Variants in FOXN3 observed in about 807,000 individuals in gnomAD.
FOXN3 encodes the protein forkhead box N3.
A neutral mutation model predicts 38.4 loss-of-function variants in FOXN3; 7 were observed. The ratio of observed to expected loss-of-function variants is 0.18; its 90% confidence interval spans 0.10 to 0.34. The LOEUF (loss-of-function observed/expected upper bound fraction) is 0.34, where lower values mean the gene tolerates loss of function less well. Among genes scored for constraint, FOXN3 ranks in the 10% least tolerant of loss-of-function variants. The probability of loss-of-function intolerance (pLI) is 1.00; values close to 1 mark genes in which losing one functional copy is unlikely to be tolerated. For synonymous variants in FOXN3, 230 were observed against 242.2 expected, an observed-to-expected ratio of 0.95 and a Z score of 0.47; for missense variants, 456 against 613.4, an observed-to-expected ratio of 0.74 and a Z score of 2.71.
At chr14:89,529,042 A>G (rs1894497250) in intron 1 of FOXN3, among the ~76,000 whole-genome samples, 1 of 152,162 alleles carries the variant, frequency 6.6e-6, no homozygotes, top group Admixed American at 6.5e-5. Context: ...AGATTACCTG[A>G]TATGTTAAGA....
chr14:89,188,240 AAAG>A (rs1887859026), intron 4 of FOXN3, among the ~76,000 whole-genome samples: 1 of 152,226 alleles, frequency 6.6e-6, no homozygotes, highest in African/African-American at 2.4e-5. Flanking sequence ...TACCCTGGAA[AAAG>A]AAGTATTTAC....
chr14:89,326,485 C>T lies in FOXN3; in HGVS notation c.680+24187G>A, dbSNP rs141542370. 7.2e-5 allele frequency among the ~76,000 whole-genome samples: 11 copies of T among 152,246 alleles called. No individual in the cohort carries two copies. The East Asian group carries it at 2.1e-3, about 29-fold the overall frequency. The stretch of plus-strand genomic sequence containing the variant: ...CAGAATCCACAATCCTCTGGCTGCC[C>T]GGGAAGTCATCAAGAGTGGTGCACA... On this transcript the variant is annotated intron_variant, in intron 3 of 5. Transcript: ENST00000557258.
At position 89,382,851 on chromosome 14, in the gene FOXN3, T is replaced by C. The variant is rs894881458; in HGVS notation, c.543+29083A>G. Among the ~76,000 whole-genome samples, 9 of 152,212 alleles carry C rather than the reference T, an allele frequency of 5.9e-5. No individual in the cohort carries two copies. In the East Asian group the frequency reaches 1.4e-3, roughly 23 times the overall value. ...TGGAGGTCTCCTTGATGATGACATG[T>C]ACGTGAAAGGGACGGTGAAGAAACT... On this transcript the variant is annotated intron_variant, in intron 2 of 5. Transcript: ENST00000557258.
chr14:89,506,832 C>T (rs543838865), intron 1 of FOXN3, among the ~76,000 whole-genome samples: 2 of 152,184 alleles, frequency 1.3e-5, no homozygotes, highest in Non-Finnish European at 2.9e-5. Flanking sequence ...TTACCCACAA[C>T]CCTGTGCTCA....
At chr14:89,522,145 A>C (rs1894333235) in intron 1 of FOXN3, among the ~76,000 whole-genome samples, 1 of 152,086 alleles carries the variant, frequency 6.6e-6, no homozygotes, top group Admixed American at 6.5e-5. Flanking sequence ...GAAAAAAAAA[A>C]CCTTATAATG....
intron 1 of FOXN3, among the ~76,000 whole-genome samples, chr14:89,567,487 GT>G (rs1164675571): frequency 3.5e-5 from 5 of 141,698 alleles, no homozygotes; most frequent in African/African-American, 1.0e-4. Flanking sequence ...AGGGAAGACT[GT>G]ACTAGGTACA....
intron 2 of FOXN3, among the ~76,000 whole-genome samples, chr14:89,378,179 C>A (rs1336531888): frequency 6.6e-6 from 1 of 152,194 alleles, no homozygotes; most frequent in Non-Finnish European, 1.5e-5. Flanking sequence ...AAAGGAAGAA[C>A]AGCTTTTGCT....
intron 2 of FOXN3, among the ~76,000 whole-genome samples, chr14:89,372,981 C>G (rs1366923802): frequency 6.6e-6 from 1 of 152,064 alleles, no homozygotes. Flanking sequence ...GCCTGAGCAA[C>G]ATAGGAAAAT....
chr14:89,347,796 A>G (rs568660693), intron 3 of FOXN3, among the ~76,000 whole-genome samples: 77 of 152,300 alleles, frequency 5.1e-4, no homozygotes, highest in Non-Finnish European at 7.1e-4. Context: ...TACGAAAAAT[A>G]CAAAAATTAG....
At chr14:89,618,403 A>C (rs1030705605) in intron 1 of FOXN3, among the ~76,000 whole-genome samples, 1 of 152,222 alleles carries the variant, frequency 6.6e-6, no homozygotes, top group Non-Finnish European at 1.5e-5. Context: ...CCCTCAAAAC[A>C]ATGTTTCTCC....
chr14:89,216,940 G>A (rs898909689), intron 4 of FOXN3, among the ~76,000 whole-genome samples: 2 of 152,126 alleles, frequency 1.3e-5, no homozygotes, highest in Non-Finnish European at 2.9e-5. Flanking sequence ...CAAGGAGTGT[G>A]GAAATGGCAT....
chr14:89,401,953 G>C lies in FOXN3; in HGVS notation c.543+9981C>G, dbSNP rs61984694. Among the ~76,000 whole-genome samples, 80 of 152,102 alleles carry C rather than the reference G, an allele frequency of 5.3e-4. 1 individual carries two copies. Among genetic ancestry groups the C allele is most frequent in the Non-Finnish European group, 1.1e-3 (76 of 68,030 alleles). On this transcript the variant is annotated intron_variant, in intron 2 of 5. Coordinates refer to ENST00000557258, the MANE Select transcript of FOXN3 (RefSeq NM_005197.4). ...TATAGCCTCTCTGCCTGTATTTACT[G>C]TCTCCTGCTGAGTTCACAAGGAAAG...
chr14:89,450,809 T>A (rs1210997081), intron 1 of FOXN3, among the ~76,000 whole-genome samples: 2 of 152,132 alleles, frequency 1.3e-5, no homozygotes, highest in Non-Finnish European at 2.9e-5. Flanking sequence ...ATGGTCTCGA[T>A]CTCCTGATCT....
intron 1 of FOXN3, among the ~76,000 whole-genome samples, chr14:89,589,103 C>T (rs1427641378): frequency 6.6e-6 from 1 of 151,740 alleles, no homozygotes; most frequent in Non-Finnish European, 1.5e-5. Flanking sequence ...GAAACATCTA[C>T]CAAAAAAAAA....
chr14:89,581,970 G>A (rs549299092), intron 1 of FOXN3, among the ~76,000 whole-genome samples: 3 of 152,232 alleles, frequency 2.0e-5, no homozygotes, highest in Admixed American at 6.5e-5. Flanking sequence ...ACAACTCTCC[G>A]AGGCAAGGGA....
intron 1 of FOXN3, among the ~76,000 whole-genome samples, chr14:89,571,192 GGA>G (rs756804651): frequency 6.6e-6 from 1 of 152,002 alleles, no homozygotes; most frequent in African/African-American, 2.4e-5. Flanking sequence ...ATTCCTAGAG[GGA>G]GAGAGAGTGA....
chr14:89,324,996 C>A (rs1158552392), intron 3 of FOXN3, among the ~76,000 whole-genome samples: 1 of 152,144 alleles, frequency 6.6e-6, no homozygotes, highest in African/African-American at 2.4e-5. Context: ...AACATGGTAG[C>A]CTCTTGCCAC....
intron 3 of FOXN3, among the ~76,000 whole-genome samples, chr14:89,281,569 C>A (rs899095851): frequency 6.6e-6 from 1 of 151,470 alleles, no homozygotes; most frequent in Non-Finnish European, 1.5e-5. Context: ...ATGTTGCACT[C>A]CATACCCTAT....
At chr14:89,431,834 C>T (rs1447864654) in intron 1 of FOXN3, among the ~76,000 whole-genome samples, 1 of 152,138 alleles carries the variant, frequency 6.6e-6, no homozygotes, top group Non-Finnish European at 1.5e-5. Context: ...CCTGCCTCAG[C>T]CTCCCGAGTA....
Sources: allele counts gnomAD v4.1 joint callset (sites outside exome capture counted in the v4.1 genomes callset), GRCh38; gene constraint gnomAD v4.1.1; transcripts MANE v1.5; gene names NCBI Gene and HGNC (gene_info 2026-07-23, HGNC 2026-07-21).